NR4A1: variants seen among roughly 807,000 people sequenced by gnomAD.
The protein encoded by NR4A1 is nuclear receptor subfamily 4immunitygroup A member 1.
In NR4A1, 24 loss-of-function variants were observed where a neutral mutation model predicts 47.5. The ratio of observed to expected loss-of-function variants is 0.50; its 90% CI spans 0.37 to 0.71. NR4A1 has a LOEUF of 0.71. NR4A1 is among the 30% of genes least tolerant of loss of function. The pLI, the probability that NR4A1 is intolerant of heterozygous loss-of-function variation, is 0.00. For synonymous variants in NR4A1, 353 were observed against 345.7 expected (o/e 1.02, Z -0.24); for missense variants, 669 against 788.6 (o/e 0.85, Z 1.82).
chr12:52,038,991 C>T (rs1366823663), intron 1 of NR4A1, among the ~76,000 whole-genome samples: 9 of 152,262 alleles, frequency 5.9e-5, no homozygotes, highest in East Asian at 5.8e-4. Context: ...GCAGGGGGAG[C>T]GAGAATGCCT....
At chr12:52,036,453 T>C (rs528300937) in intron 1 of NR4A1, among the ~76,000 whole-genome samples, 2 of 152,316 alleles carry the variant, frequency 1.3e-5, no homozygotes, top group South Asian at 2.1e-4. Flanking sequence ...ACAGCTGTTA[T>C]CATCCTGACA....
At chr12:52,037,944 C>G in intron 1 of NR4A1, 1 of 839,422 alleles carries the variant, frequency 1.2e-6, no homozygotes, top group Non-Finnish European at 1.4e-6. Flanking sequence ...GCAACATCTT[C>G]CTTATACTGG....
intron 1 of NR4A1, among the ~76,000 whole-genome samples, chr12:52,023,522 C>G (rs1469286188): frequency 1.3e-5 from 2 of 152,012 alleles, no homozygotes; most frequent in Non-Finnish European, 2.9e-5. Flanking sequence ...AGCGCACCGC[C>G]GCCCGCCACA....
chr12:52,030,655 C>T (rs1938103910), intron 1 of NR4A1, among the ~76,000 whole-genome samples: 1 of 152,174 alleles, frequency 6.6e-6, no homozygotes, highest in Non-Finnish European at 1.5e-5. Flanking sequence ...TCTCGAACTC[C>T]TGACCTCATG....
At chr12:52,056,707 G>A (rs373604393) in intron 4 of NR4A1, 62 bp downstream of exon 4, 34 of 1,317,962 alleles carry the variant, frequency 2.6e-5, no homozygotes, top group East Asian at 3.5e-5. Context: ...GCCTTTGTGC[G>A]TGTTAGGAGA....
At chr12:52,037,673 C>G (rs1168090210) in intron 1 of NR4A1, 1 of 985,394 alleles carries the variant, frequency 1.0e-6, no homozygotes, top group Non-Finnish European at 1.2e-6. Flanking sequence ...GTTTGGCCCA[C>G]GAGGGGCGCT....
At chr12:52,045,032 G>C (rs1445926601) in intron 2 of NR4A1, among the ~76,000 whole-genome samples, 1 of 152,202 alleles carries the variant, frequency 6.6e-6, no homozygotes, top group African/African-American at 2.4e-5. Context: ...TGTGGCCATA[G>C]CCTGACCTCC....
chr12:52,041,679 G>T, intron 1 of NR4A1: 2 of 1,045,024 alleles, frequency 1.9e-6, no homozygotes, highest in Non-Finnish European at 2.5e-6. Context: ...GTCCTTGGGC[G>T]CTGGCTTGTC....
At position 52,059,393 on chromosome 12, in the gene NR4A1, A is replaced by C. The variant is rs572262139; in HGVS notation, c.*449A>C. 7 of 159,562 alleles carry C rather than the reference A, an allele frequency of 4.4e-5. No individual in the cohort carries two copies. Among genetic ancestry groups the C allele is most frequent in the African/African-American group, 1.7e-4 (7 of 41,856 alleles). 9.9% of individuals were successfully genotyped at this position (159,562 alleles called of 1,614,324 possible). ...TAAACTGTCACTCTAGGAAGAAGAC[A>C]AATGACAGATTCTGACATTTATATT... is the stretch of plus-strand genomic sequence containing the variant. On this transcript the variant is annotated 3_prime_UTR_variant, in exon 7 of 7. Transcript: ENST00000394825.
intron 4 of NR4A1, 132 bp downstream of exon 4, chr12:52,056,777 C>A (rs45451695): frequency 1.1e-6 from 1 of 949,120 alleles, no homozygotes; most frequent in Non-Finnish European, 1.5e-6. Context: ...GAAAGAAAAG[C>A]GACTCCCTCC....
chr12:52,024,240 T>C (rs1937954465), intron 1 of NR4A1, among the ~76,000 whole-genome samples: 2 of 152,208 alleles, frequency 1.3e-5, no homozygotes, highest in Non-Finnish European at 2.9e-5. Flanking sequence ...AGCCCCACAG[T>C]GGAAGGAAAA....
chr12:52,025,124 A>G (rs1592278611), intron 1 of NR4A1, among the ~76,000 whole-genome samples: 2 of 149,218 alleles, frequency 1.3e-5, no homozygotes, highest in East Asian at 2.0e-4. Flanking sequence ...CAATGGCACA[A>G]CCCCGGCTCA....
chr12:52,038,782 G>A lies in NR4A1; in HGVS notation c.-83-3028G>A, dbSNP rs558577828. 10 of 762,528 alleles carry A rather than the reference G, an allele frequency of 1.3e-5. No homozygotes were observed. The South Asian group carries it at 1.4e-4, about 10-fold the overall frequency. The allele number at this position is 762,528 out of a possible 1,614,324, so 47.2% of individuals were successfully genotyped here. On this transcript the variant is annotated intron_variant, in intron 1 of 7. Transcript: ENST00000360284. ...GGCAGAAGGATGGGCCGAGATTAAC[G>A]GTGTGAATGTGACTGACGATTCCTG... is the stretch of plus-strand genomic sequence containing the variant.
At chr12:52,024,986 G>C (rs1937973856) in intron 1 of NR4A1, among the ~76,000 whole-genome samples, 1 of 151,942 alleles carries the variant, frequency 6.6e-6, no homozygotes, top group Non-Finnish European at 1.5e-5. Context: ...GAGACTGCAC[G>C]AGCTCTGCCT....
rs1001432800 is a variant in NR4A1, at chr12:52,057,542, G to A, written c.1540+12G>A. 4.3e-6 allele frequency: 7 copies of A among 1,613,478 alleles called. No individual in the cohort carries two copies. The highest frequency in any genetic ancestry group is 1.8e-4 in the Middle Eastern group (1 of 5,670). On this transcript the variant is annotated intron_variant, in intron 6 of 6. Transcript: ENST00000394825. ...TGTCCTCATCACCGGTGAGTGACCA[G>A]CACCACACCAGGTCCAAGGGAATGG...
intron 1 of NR4A1, among the ~76,000 whole-genome samples, chr12:52,040,153 CTGT>C (rs1207891173): frequency 1.3e-5 from 2 of 152,156 alleles, no homozygotes; most frequent in Non-Finnish European, 2.9e-5. Flanking sequence ...CTTGCCTCTC[CTGT>C]TGTTCGGGGC....
rs1453033553 is a variant in NR4A1, at chr12:52,052,329, A to AAG, written c.-3+767_-3+768dup. The AAG allele has an allele frequency of 1.8e-3, 220 of 125,106 alleles. 2 individuals are homozygous for AAG. The highest frequency in any genetic ancestry group is 7.4e-3 in the African/African-American group (215 of 28,906). 7.7% of individuals were successfully genotyped at this position (125,106 alleles called of 1,614,324 possible). ...TGAGAGAGAGAGAGAGAGAGAGAGA[A>AAG]AGAGAGACAGAGGTGGAAACCCTTG... On this transcript the variant is annotated intron_variant, in intron 1 of 6. Coordinates refer to ENST00000394825, the MANE Select transcript of NR4A1 (RefSeq NM_173157.3).
At chr12:52,052,485 G>T (rs1939035766) in intron 1 of NR4A1, 1 of 985,376 alleles carries the variant, frequency 1.0e-6, no homozygotes, top group Admixed American at 6.2e-5. Context: ...AGTCTCTGTT[G>T]GATCTTACAG....
intron 1 of NR4A1, among the ~76,000 whole-genome samples, chr12:52,036,174 TG>T (rs1286546282): frequency 6.6e-6 from 1 of 152,146 alleles, no homozygotes; most frequent in East Asian, 1.9e-4. Flanking sequence ...GGGCAGCTGC[TG>T]GGGGAGAAGG....
Sources: gnomAD v4.1 joint callset for allele counts (sites outside exome capture counted in the v4.1 genomes callset) on GRCh38, gnomAD v4.1.1 for gene constraint, MANE v1.5 for transcripts, NCBI Gene and HGNC (gene_info 2026-07-23, HGNC 2026-07-21) for gene names.